The following CFAP74 variants were observed in gnomAD, a reference collection of about 807,000 sequenced individuals.
The protein encoded by CFAP74 is cilia- and flagella-associated protein 74.
CFAP74 carries 124 observed loss-of-function variants against 188.9 expected under a neutral mutation model. The observed-to-expected ratio is 0.66, with a 90% CI of 0.57 to 0.76. The LOEUF is 0.76. Ranked by LOEUF, CFAP74 falls within the 30% of genes least tolerant of loss-of-function variation. CFAP74 has a pLI of 0.00. For synonymous variants in CFAP74, 956 were observed against 916.7 expected (o/e 1.04, Z -0.77); for missense variants, 2,198 against 2,165.2 (o/e 1.02, Z -0.30).
rs1653411591 is a variant in CFAP74 at position 1,942,016 on chromosome 1, C to G, written c.2615+12G>C. 2 of 1,489,008 alleles carry G rather than the reference C, an allele frequency of 1.3e-6. No homozygotes were observed. The highest frequency in any genetic ancestry group is 1.8e-6 in the Non-Finnish European group (2 of 1,124,782). The allele number at this position is 1,489,008 out of a possible 1,614,324, so 92.2% of individuals were successfully genotyped here. On this transcript the variant is annotated intron_variant, in intron 22 of 38. Transcript: ENST00000682832. This position sits in a 1 kb window ranked among gnomAD's most constrained non-coding sequence, Gnocchi z 4.3. ...CGTCCTCCTGTCCCGGCCTTGGCGTCCTGGCACCTACCGCGGCAGGAACTT... is the reference window on the plus strand; with the variant it reads ...CGTCCTCCTGTCCCGGCCTTGGCGTGCTGGCACCTACCGCGGCAGGAACTT...
intron 25 of CFAP74, among the ~76,000 whole-genome samples, chr1:1,932,289 T>C (rs1402267228): frequency 1.4e-5 from 2 of 146,448 alleles, no homozygotes; most frequent in Non-Finnish European, 3.0e-5. Context: ...CCCAGCTATT[T>C]GGGAGGCTGA....
chr1:1,960,240 T>C, intron 14 of CFAP74: 1 of 565,414 alleles, frequency 1.8e-6, no homozygotes, highest in Non-Finnish European at 3.1e-6. Context: ...CGCTCCAGTG[T>C]GTGCGAACGT....
At chr1:1,943,662 C>T (rs1653543210) in intron 21 of CFAP74, among the ~76,000 whole-genome samples, 1 of 152,242 alleles carries the variant, frequency 6.6e-6, no homozygotes, top group Admixed American at 6.5e-5. Flanking sequence ...CAGGCTCACC[C>T]TGCCTGTGTC....
At position 1,954,884 on chromosome 1, in the gene CFAP74, C is replaced by G. The variant is rs1400470900; in HGVS notation, c.2176+807G>C. ...CAGGTGCCCTGTGGGAACTCACACA[C>G]AGGCCAAGGGGCAGTGCAGAACGGC... On this transcript the variant is annotated intron_variant, in intron 18 of 38. Coordinates refer to ENST00000682832, the MANE Select transcript of CFAP74 (RefSeq NM_001304360.2). 7 of 1,153,002 alleles carry G rather than the reference C, an allele frequency of 6.1e-6. No individual in the cohort carries two copies. The Admixed American group carries it at 2.3e-4, about 39-fold the overall frequency. The allele number at this position is 1,153,002 out of a possible 1,614,324, so 71.4% of individuals were successfully genotyped here.
At chr1:1,999,297 C>T (rs2102122109) in intron 1 of CFAP74, among the ~76,000 whole-genome samples, 1 of 152,274 alleles carries the variant, frequency 6.6e-6, no homozygotes, top group South Asian at 2.1e-4. Flanking sequence ...GGTTGCTGAA[C>T]AGCAGCCACG....
chr1:1,959,028 A>G, intron 16 of CFAP74, 92 bp downstream of exon 16: 1 of 821,536 alleles, frequency 1.2e-6, no homozygotes, highest in Non-Finnish European at 2.0e-6. Flanking sequence ...CCCCCCGCCA[A>G]CCTGCACCCC....
intron 9 of CFAP74, among the ~76,000 whole-genome samples, 160 bp from the exon 10 acceptor site, chr1:1,970,976 C>G (rs886325592): frequency 6.0e-5 from 9 of 150,834 alleles, no homozygotes; most frequent in South Asian, 2.1e-4. Flanking sequence ...ACATGCACAC[C>G]TGCACACACG....
chr1:1,938,648 T>A (rs372073019), intron 25 of CFAP74, among the ~76,000 whole-genome samples: 1 of 152,024 alleles, frequency 6.6e-6, no homozygotes, highest in African/African-American at 2.4e-5. Flanking sequence ...CACGTCTGAG[T>A]GGGCCCAGAA....
At chr1:1,987,630 C>A (rs969885669) in intron 4 of CFAP74, among the ~76,000 whole-genome samples, 1 of 152,158 alleles carries the variant, frequency 6.6e-6, no homozygotes, top group African/African-American at 2.4e-5. Context: ...CAACCTCCGC[C>A]CCCCAGGTTC....
rs899447781 is a variant in CFAP74 at position 1,973,790 on chromosome 1, G to A, written c.674+235C>T. Among the ~76,000 whole-genome samples, 2 of 151,956 alleles carry A rather than the reference G, an allele frequency of 1.3e-5. No homozygotes were observed. The highest frequency in any genetic ancestry group is 4.8e-5 in the African/African-American group (2 of 41,340). ...TAGCCAGCTTTAGCGGCTGTATGGTGGCTGCGGCATCTTGGGAGGGCTGGG... is the reference window on the plus strand; with the variant it reads ...TAGCCAGCTTTAGCGGCTGTATGGTAGCTGCGGCATCTTGGGAGGGCTGGG... On this transcript the variant is annotated intron_variant, in intron 7 of 38. Transcript: ENST00000682832. This position sits in a 1 kb window ranked among gnomAD's most constrained non-coding sequence, Gnocchi z 6.2.
rs1655362271 is a variant in CFAP74 at position 1,964,943 on chromosome 1, C to T, written c.1520G>A (p.Gly507Glu). The T allele has an allele frequency of 6.2e-7, 1 of 1,613,882 alleles. No homozygotes were observed. The highest frequency in any genetic ancestry group is 8.5e-7 in the Non-Finnish European group (1 of 1,179,980). The part of the protein sequence containing the change: ...SRVVHKQVVW[G>E]REFQGRPFNS... ...GAAGGGGCGTCCTTGGAACTCACGC[C>T]CCCACACCACCTGCTTGTGGACCAC... The change falls in exon 13 of 39, where the codon GGG becomes GAG. Residue 507 changes from glycine to glutamate, a missense_variant. By Grantham distance (98) the Gly-to-Glu change is moderately conservative (BLOSUM62 -2). Coordinates refer to ENST00000682832, the MANE Select transcript of CFAP74 (RefSeq NM_001304360.2).
chr1:1,955,054 C>A (rs1211891851), intron 18 of CFAP74: 2 of 1,266,786 alleles, frequency 1.6e-6, no homozygotes, highest in Non-Finnish European at 2.0e-6. Flanking sequence ...CGGCTCACAC[C>A]GGAAGTGCGG....
Position 1,973,558 on chromosome 1 carries a change from C to T in CFAP74, c.674+467G>A, listed in dbSNP as rs1408990901. On this transcript the variant is annotated intron_variant, in intron 7 of 38. Coordinates refer to ENST00000682832, the MANE Select transcript of CFAP74 (RefSeq NM_001304360.2). This position sits in a 1 kb window ranked among gnomAD's most constrained non-coding sequence, Gnocchi z 6.2. Reference sequence around the variant, plus strand: ...CTTGGGGACTGGCCTAGTAGGTGGCCGGGCCCTGGCTGAGCAGGAGACTCA... The same window carrying T: ...CTTGGGGACTGGCCTAGTAGGTGGCTGGGCCCTGGCTGAGCAGGAGACTCA... 3.3e-5 allele frequency among the ~76,000 whole-genome samples: 5 copies of T among 152,068 alleles called. No homozygotes were observed. In the East Asian group the frequency reaches 7.8e-4, roughly 24 times the overall value.
intron 12 of CFAP74, 25 bp from the exon 13 acceptor site, chr1:1,965,086 G>A (rs751136264): frequency 3.7e-6 from 6 of 1,602,398 alleles, no homozygotes; most frequent in African/African-American, 1.3e-5. Flanking sequence ...GACAGAGGCT[G>A]GGGCTGTTAG....
chr1:1,928,696 G>C, intron 27 of CFAP74, 88 bp downstream of exon 27: 1 of 964,122 alleles, frequency 1.0e-6, no homozygotes, highest in Non-Finnish European at 1.6e-6. Context: ...CACGTGGCCG[G>C]AGCCCCCCAG....
chr1:1,939,235 A>G (rs1033421139), intron 24 of CFAP74, among the ~76,000 whole-genome samples: 1 of 151,724 alleles, frequency 6.6e-6, no homozygotes, highest in African/African-American at 2.4e-5. Context: ...TGCTGGGGGG[A>G]GAGAGAGGGA....
chr1:1,957,577 T>A (rs111796965), intron 16 of CFAP74, among the ~76,000 whole-genome samples: 1 of 152,100 alleles, frequency 6.6e-6, no homozygotes, highest in African/African-American at 2.4e-5. Context: ...GTCTCGGTGC[T>A]CCTGTCACAG....
In CFAP74 at chr1:1,924,388, C is replaced by T; in HGVS notation, c.4234+3G>A. 1 of 427,968 alleles carries T rather than the reference C, an allele frequency of 2.3e-6. No individual in the cohort carries two copies. The highest frequency in any genetic ancestry group is 3.9e-6 in the Non-Finnish European group (1 of 254,268). The allele number at this position is 427,968 out of a possible 1,614,324, so 26.5% of individuals were successfully genotyped here. A position where few individuals can be genotyped will look rare whatever the true frequency, so the allele number is the denominator to read the frequency against. ...CACCACCCACCCCCCACCCCCCGCT[C>T]ACCGACCACCTCCGTCCTCTGGGAG... On this transcript the variant is annotated splice_donor_region_variant and intron_variant, in intron 34 of 38. Transcript: ENST00000682832.
rs771484404 is a variant in CFAP74, at chr1:1,956,789, C to A, written c.1852-5G>T. ...GAGCTCCTTGTCGAGGGACAGCTGC[C>A]AGAGGACATGGAGTGAACTCAGGGC... On this transcript the variant is annotated splice_polypyrimidine_tract_variant and splice_region_variant and intron_variant, in intron 16 of 38. Transcript: ENST00000682832. The A allele has an allele frequency of 1.2e-5, 20 of 1,611,448 alleles. No homozygotes were observed. Among genetic ancestry groups the A allele is most frequent in the Non-Finnish European group, 1.7e-5 (20 of 1,178,778 alleles).
Sources: gnomAD v4.1 joint callset for allele counts (sites outside exome capture counted in the v4.1 genomes callset) on GRCh38, gnomAD v4.1.1 for gene constraint, Gnocchi (gnomAD v3.1) non-coding constraint, MANE v1.5 for transcripts, NCBI Gene and HGNC (gene_info 2026-07-23, HGNC 2026-07-21) for gene names.